Variants in GRIN2A observed in about 807,000 individuals in gnomAD.
The protein encoded by GRIN2A is glutamate receptor ionotropic, NMDA 2A.
In GRIN2A, 22 loss-of-function variants were observed where a neutral mutation model predicts 113.4. The ratio of observed to expected loss-of-function variants is 0.19; its 90% CI spans 0.14 to 0.28. The LOEUF is 0.28. GRIN2A is among the 10% of genes least tolerant of loss of function. The pLI is 1.00. For missense variants in GRIN2A, 1,502 were observed against 1,887.0 expected (o/e 0.80, Z 3.78); for synonymous variants, 827 against 738.4 (o/e 1.12, Z -1.94).
At chr16:9,767,038 G>A (rs142772471) in intron 12 of GRIN2A, among the ~76,000 whole-genome samples, 6 of 152,316 alleles carry the variant, frequency 3.9e-5, no homozygotes, top group South Asian at 2.1e-4. Context: ...AGAAGTAAAC[G>A]CAACAGTGTG....
At chr16:9,968,895 A>G (rs1038767460) in intron 2 of GRIN2A, among the ~76,000 whole-genome samples, 3 of 152,224 alleles carry the variant, frequency 2.0e-5, no homozygotes, top group South Asian at 4.1e-4. Flanking sequence ...GGTGTGAGCC[A>G]CTGCGCCCTG....
chr16:9,797,859 C>T (rs762559068), intron 11 of GRIN2A, among the ~76,000 whole-genome samples: 1 of 152,162 alleles, frequency 6.6e-6, no homozygotes, highest in Non-Finnish European at 1.5e-5. Context: ...GATCAGCAAG[C>T]AGATTCCCAG....
chr16:10,094,552 C>T (rs531465247), intron 2 of GRIN2A, among the ~76,000 whole-genome samples: 7 of 152,170 alleles, frequency 4.6e-5, no homozygotes, highest in Admixed American at 6.5e-5. Context: ...TGGGTTCAAG[C>T]GATTCTCCTG....
At chr16:10,093,720 T>C (rs2048230067) in intron 2 of GRIN2A, among the ~76,000 whole-genome samples, 1 of 152,244 alleles carries the variant, frequency 6.6e-6, no homozygotes, top group Non-Finnish European at 1.5e-5. Flanking sequence ...CGTGATTCTG[T>C]GGTCCCTGCC....
intron 4 of GRIN2A, among the ~76,000 whole-genome samples, chr16:9,854,033 A>G (rs2042927397): frequency 3.3e-5 from 5 of 152,146 alleles, no homozygotes; most frequent in Admixed American, 3.3e-4. Flanking sequence ...TCTACCAGGA[A>G]TTTTATATGC....
intron 2 of GRIN2A, among the ~76,000 whole-genome samples, chr16:10,122,456 T>G (rs1488286081): frequency 6.6e-6 from 1 of 152,146 alleles, no homozygotes; most frequent in East Asian, 1.9e-4. Flanking sequence ...ATGAGCTATT[T>G]TCTCCCAAAT....
intron 2 of GRIN2A, among the ~76,000 whole-genome samples, chr16:10,108,642 C>T (rs986889101): frequency 3.3e-5 from 5 of 152,076 alleles, no homozygotes; most frequent in Non-Finnish European, 7.4e-5. Flanking sequence ...ACGATGTAGC[C>T]GGGGTTAAAG....
At chr16:9,984,464 C>A (rs982255201) in intron 2 of GRIN2A, among the ~76,000 whole-genome samples, 1 of 152,216 alleles carries the variant, frequency 6.6e-6, no homozygotes, top group Non-Finnish European at 1.5e-5. Context: ...CTGTTTTCTT[C>A]TAGCAGTTTC....
intron 3 of GRIN2A, among the ~76,000 whole-genome samples, chr16:9,902,959 TGGC>T (rs1567166262): frequency 4.0e-5 from 1 of 24,832 alleles, no homozygotes. Context: ...TTTTTTTTTT[TGGC>T]GGGGGGGTGG....
chr16:9,859,004 A>C (rs780964169), intron 4 of GRIN2A, among the ~76,000 whole-genome samples: 43 of 152,162 alleles, frequency 2.8e-4, no homozygotes, highest in Non-Finnish European at 5.3e-4. Context: ...CTCCTAAAAA[A>C]CAAATATCTA....
chr16:9,894,483 G>C (rs932847355), intron 3 of GRIN2A, among the ~76,000 whole-genome samples: 1 of 151,948 alleles, frequency 6.6e-6, no homozygotes, highest in Non-Finnish European at 1.5e-5. Context: ...TCTCCCCTTT[G>C]ATGTTTCCTG....
intron 4 of GRIN2A, among the ~76,000 whole-genome samples, chr16:9,887,953 G>T (rs1317881850): frequency 6.6e-6 from 1 of 152,098 alleles, no homozygotes; most frequent in African/African-American, 2.4e-5. Context: ...GCTACTCAGG[G>T]GGGCTGAGGT....
intron 2 of GRIN2A, among the ~76,000 whole-genome samples, chr16:10,073,245 C>G (rs181519356): frequency 1.1e-4 from 17 of 152,110 alleles, no homozygotes; most frequent in Non-Finnish European, 2.4e-4. Flanking sequence ...TGTGAGCCAC[C>G]GTGCCCAGTC....
At chr16:9,793,595 G>C (rs1208761848) in intron 11 of GRIN2A, among the ~76,000 whole-genome samples, 2 of 152,072 alleles carry the variant, frequency 1.3e-5, no homozygotes, top group Admixed American at 1.3e-4. Context: ...ATAAATGGCT[G>C]AGTCTTCTGT....
In GRIN2A at chr16:10,108,587, AT is replaced by A. The variant is rs147261024; in HGVS notation, c.414+71410del. ...AACCCTCATCTCAGAAGGAATCAGA[AT>A]TTGTGTTCACGGTTACACGTGTTCA... On this transcript the variant is annotated intron_variant, in intron 2 of 12. Transcript: ENST00000330684. 8.9e-3 allele frequency among the ~76,000 whole-genome samples: 1,358 copies of A among 152,316 alleles called. 9 individuals are homozygous for A. Among genetic ancestry groups the A allele is most frequent in the Non-Finnish European group, 0.014 (975 of 68,018 alleles).
intron 2 of GRIN2A, chr16:10,112,300 C>T (rs1459557953): frequency 4.6e-6 from 3 of 645,406 alleles, no homozygotes. Flanking sequence ...GTGACAGCAG[C>T]CCAGGCTAAG....
intron 4 of GRIN2A, among the ~76,000 whole-genome samples, chr16:9,855,140 T>C (rs74490183): frequency 0.021 from 3,118 of 151,974 alleles, 41 homozygotes; most frequent in East Asian, 0.056. Context: ...GACAAGAGGG[T>C]TCAGAATCAT....
chr16:9,873,461 G>T (rs1596525081), intron 4 of GRIN2A, among the ~76,000 whole-genome samples: 1 of 152,102 alleles, frequency 6.6e-6, no homozygotes, highest in East Asian at 1.9e-4. Context: ...AGCACTTTGG[G>T]AGGCTGAGGC....
At chr16:9,805,614 C>T (rs1418087371) in intron 10 of GRIN2A, 1 of 152,074 alleles carries the variant, frequency 6.6e-6, no homozygotes, top group African/African-American at 2.4e-5. Context: ...GGTCATGGGA[C>T]CTCTCTGAGC....
Sources: allele counts gnomAD v4.1 joint callset (sites outside exome capture counted in the v4.1 genomes callset), GRCh38; gene constraint gnomAD v4.1.1; transcripts MANE v1.5; gene names NCBI Gene and HGNC (gene_info 2026-07-23, HGNC 2026-07-21).